POU3F3: variants seen among roughly 807,000 people sequenced by gnomAD.
The protein encoded by POU3F3 is POU domain, class 3, transcription factor 3.
Under a neutral mutation model 8.6 loss-of-function variants are expected in POU3F3, and 1 was observed. The observed-to-expected ratio is 0.12, with a 90% CI of 0.04 to 0.55. The LOEUF (loss-of-function observed/expected upper bound fraction) is 0.55, where lower values mean the gene tolerates loss of function less well. POU3F3 is among the 20% of genes least tolerant of loss of function. The pLI, the probability that POU3F3 is intolerant of heterozygous loss-of-function variation, is 0.91. For missense variants in POU3F3, 577 were observed against 690.7 expected (o/e 0.84, Z 1.84); for synonymous variants, 418 against 327.4 (o/e 1.28, Z -2.99).
chr2:104,908,828 A>T, the POU3F3 span, among the ~76,000 whole-genome samples: 6 of 152,396 alleles, frequency 3.9e-5, no homozygotes, highest in Admixed American at 1.3e-4. Context: ...AAACTATTTC[A>T]TAAGAGTAGA....
At chr2:104,903,616 A>G in the POU3F3 span, among the ~76,000 whole-genome samples, 4 of 152,338 alleles carry the variant, frequency 2.6e-5, no homozygotes, top group South Asian at 6.2e-4. Flanking sequence ...TCTCCTAATT[A>G]AGTCAACTTT....
the POU3F3 span, among the ~76,000 whole-genome samples, chr2:104,915,752 A>G: frequency 6.6e-6 from 1 of 151,736 alleles, no homozygotes; most frequent in Non-Finnish European, 1.5e-5. Context: ...CTCGGATGCA[A>G]ATCGCTGGAC....
At chr2:104,896,239 C>T in the POU3F3 span, among the ~76,000 whole-genome samples, 801 of 152,342 alleles carry the variant, frequency 5.3e-3, 6 homozygotes, top group African/African-American at 0.018. Flanking sequence ...AGACCTAAAC[C>T]TGGCTGGGTA....
chr2:104,920,014 T>A, the POU3F3 span, among the ~76,000 whole-genome samples: 1 of 152,018 alleles, frequency 6.6e-6, no homozygotes, highest in African/African-American at 2.4e-5. Context: ...TTCATTTATT[T>A]ATTTTTTTAT....
the POU3F3 span, among the ~76,000 whole-genome samples, chr2:104,875,709 T>TTTTTG: frequency 5.9e-5 from 9 of 152,128 alleles, no homozygotes; most frequent in Admixed American, 1.3e-4. Flanking sequence ...TTGTGTTGTG[T>TTTTTG]TTTTGTTTTG....
chr2:104,888,672 T>A, the POU3F3 span, among the ~76,000 whole-genome samples: 2 of 152,054 alleles, frequency 1.3e-5, no homozygotes, highest in Non-Finnish European at 2.9e-5. Context: ...GAGTCCTTGG[T>A]TTCAGGCCTG....
At chr2:104,874,516 C>T in the POU3F3 span, among the ~76,000 whole-genome samples, 72 of 152,294 alleles carry the variant, frequency 4.7e-4, no homozygotes, top group African/African-American at 1.7e-3. Flanking sequence ...AGGAGAGGTG[C>T]CAGTAAGGCC....
chr2:104,858,471 G>A lies in POU3F3; in HGVS notation c.*1458G>A, dbSNP rs1290614532. The stretch of plus-strand genomic sequence containing the variant: ...AAATGAAATGAAAATATGGACAGTT[G>A]TTAGGTAATAAGGGTATCTTTTGAT... On this transcript the variant is annotated 3_prime_UTR_variant, in exon 1 of 1. Coordinates refer to ENST00000361360, the MANE Select transcript of POU3F3 (RefSeq NM_006236.3). 1 of 152,106 alleles carries A rather than the reference G, an allele frequency of 6.6e-6. No individual in the cohort carries two copies. Among genetic ancestry groups the A allele is most frequent in the African/African-American group, 2.4e-5 (1 of 41,416 alleles). 9.4% of individuals were successfully genotyped at this position (152,106 alleles called of 1,614,324 possible).
the POU3F3 span, chr2:104,868,160 T>A: frequency 8.4e-5 from 37 of 438,484 alleles, no homozygotes; most frequent in Non-Finnish European, 1.5e-4. Flanking sequence ...CACACCCCCA[T>A]GGGGTTCTGA....
chr2:104,860,523 A>G (rs373511977), downstream of POU3F3, among the ~76,000 whole-genome samples: 60 of 152,066 alleles, frequency 3.9e-4, 1 homozygote, highest in East Asian at 4.3e-3. Flanking sequence ...TGTTTCCTCC[A>G]TTTCAATCCA....
chr2:104,891,695 A>G, the POU3F3 span, among the ~76,000 whole-genome samples: 1 of 152,234 alleles, frequency 6.6e-6, no homozygotes, highest in East Asian at 1.9e-4. Context: ...CTTCTCTTCC[A>G]TCACGGAATT....
the POU3F3 span, chr2:104,867,953 G>A: frequency 8.0e-6 from 2 of 251,512 alleles, no homozygotes; most frequent in Non-Finnish European, 1.6e-5. The surrounding 1 kb of genome is among the most constrained non-coding windows in gnomAD (Gnocchi z 5.0). Context: ...AGCTCCTCCC[G>A]CCCCTCTACT....
At chr2:104,878,720 T>G in the POU3F3 span, among the ~76,000 whole-genome samples, 1 of 152,172 alleles carries the variant, frequency 6.6e-6, no homozygotes, top group East Asian at 1.9e-4. Context: ...CACCTCCTGG[T>G]GAAGAATAAA....
rs1173943826 is a variant in POU3F3, at chr2:104,856,887, A to G, written c.1377A>G (p.Gln459=). 1.9e-6 allele frequency: 3 copies of G among 1,613,974 alleles called. No individual in the cohort carries two copies. Among genetic ancestry groups the G allele is most frequent in the Admixed American group, 1.7e-5 (1 of 60,028 alleles). ...VVRVWFCNRR[Q]KEKRMTPPGI... ...GGGTCTGGTTCTGCAATCGGCGCCAAAAGGAGAAGCGCATGACGCCGCCCG... is the reference window on the plus strand; with the variant it reads ...GGGTCTGGTTCTGCAATCGGCGCCAGAAGGAGAAGCGCATGACGCCGCCCG... The change falls in exon 1 of 1, where the codon CAA becomes CAG. Residue 459 remains glutamine, a synonymous_variant. Coordinates refer to ENST00000361360, the MANE Select transcript of POU3F3 (RefSeq NM_006236.3).
chr2:104,876,127 T>A, the POU3F3 span, among the ~76,000 whole-genome samples: 1 of 152,226 alleles, frequency 6.6e-6, no homozygotes, highest in Non-Finnish European at 1.5e-5. Context: ...CCCCTGGTTC[T>A]AATCAGAAGC....
Position 104,856,114 on chromosome 2 carries a change from G to T in POU3F3, c.604G>T (p.Ala202Ser), listed in dbSNP as rs1457427958. The change falls in exon 1 of 1, where the codon GCC becomes TCC. Residue 202 changes from alanine (A) to serine (S), a missense_variant. Transcript: ENST00000361360. ...CGCAGCCGCAGCCGCCGCCGCCGCCGCCGCCGCGCACCTCCCGTCCATGGC... is the reference window on the plus strand; with the variant it reads ...CGCAGCCGCAGCCGCCGCCGCCGCCTCCGCCGCGCACCTCCCGTCCATGGC... ...AAAAAAAAAA[A>S]AAHLPSMAGG... 1.8e-5 allele frequency: 20 copies of T among 1,124,746 alleles called. No individual in the cohort carries two copies. The highest frequency in any genetic ancestry group is 2.2e-5 in the Non-Finnish European group (20 of 924,386). 69.7% of individuals were successfully genotyped at this position (1,124,746 alleles called of 1,614,324 possible). A position where few individuals can be genotyped will look rare whatever the true frequency, so the allele number is the denominator to read the frequency against.
chr2:104,914,687 A>C, the POU3F3 span, among the ~76,000 whole-genome samples: 1 of 152,088 alleles, frequency 6.6e-6, no homozygotes, highest in Admixed American at 6.5e-5. Context: ...CGGCTTAGGG[A>C]CTTTTGCTTT....
chr2:104,863,796 C>A, the POU3F3 span, among the ~76,000 whole-genome samples: 1 of 152,222 alleles, frequency 6.6e-6, no homozygotes, highest in Non-Finnish European at 1.5e-5. Context: ...CATAACCTTT[C>A]GCTCGGGTCC....
chr2:104,877,719 C>T, the POU3F3 span, among the ~76,000 whole-genome samples: 1 of 148,020 alleles, frequency 6.8e-6, no homozygotes, highest in African/African-American at 2.5e-5. Context: ...AGTGCAGTGG[C>T]ACAATCTTGT....
Sources: allele counts gnomAD v4.1 joint callset (sites outside exome capture counted in the v4.1 genomes callset), GRCh38; gene constraint gnomAD v4.1.1; non-coding constraint Gnocchi (gnomAD v3.1); transcripts MANE v1.5; gene names NCBI Gene and HGNC (gene_info 2026-07-23, HGNC 2026-07-21).